Variants in DPY19L3 observed in about 807,000 individuals in gnomAD.
The protein encoded by DPY19L3 is dpy-19 like C-mannosyltransferase 3, also known as protein C-mannosyl-transferase DPY19L3.
Under a neutral mutation model 92.3 loss-of-function variants are expected in DPY19L3, and 51 were observed. The observed-to-expected ratio is 0.55, with a 90% CI of 0.44 to 0.70. The LOEUF (loss-of-function observed/expected upper bound fraction) is 0.70. Among genes scored for constraint, DPY19L3 ranks in the 30% least tolerant of loss-of-function variants. DPY19L3 has a pLI of 0.00. For missense variants in DPY19L3, 706 were observed against 855.9 expected, an observed-to-expected ratio of 0.82 and a Z score of 2.18; for synonymous variants, 309 against 315.2, an observed-to-expected ratio of 0.98 and a Z score of 0.21.
Position 32,436,638 on chromosome 19 carries a change from T to G in DPY19L3, c.450+71T>G, listed in dbSNP as rs77223299. ...GTCTGCCATTTTGAACTGAAAGTTA[T>G]CACATCGTTCTTTCTGATCTTCAAC... is the stretch of plus-strand genomic sequence containing the variant. On this transcript the variant is annotated intron_variant, in intron 5 of 18. Coordinates refer to ENST00000392250, the MANE Select transcript of DPY19L3 (RefSeq NM_001172774.2). The G allele has an allele frequency of 7.6e-3, 9,629 of 1,266,104 alleles. 983 individuals carry two copies. In the Admixed American group the frequency reaches 0.21, roughly 27 times the overall value. 78.4% of individuals were successfully genotyped at this position (1,266,104 alleles called of 1,614,324 possible).
At chr19:32,452,817 C>T (rs1188921104) in intron 8 of DPY19L3, among the ~76,000 whole-genome samples, 13 of 151,932 alleles carry the variant, frequency 8.6e-5, no homozygotes, top group South Asian at 6.2e-4. Context: ...TCTCAGCCTC[C>T]GAAATAGCTG....
At position 32,438,995 on chromosome 19, in the gene DPY19L3, G is replaced by A. The variant is rs1969237648; in HGVS notation, c.597-117G>A. 2.8e-6 allele frequency: 3 copies of A among 1,066,656 alleles called. No individual in the cohort carries two copies. In the South Asian group the frequency reaches 4.9e-5, roughly 17 times the overall value. 66.1% of individuals were successfully genotyped at this position (1,066,656 alleles called of 1,614,324 possible). ...TGATAAGGACAATTATTGAGAACCA[G>A]TGGCCAGAATCTTAAGTATACTTGT... On this transcript the variant is annotated intron_variant, in intron 6 of 18. Transcript: ENST00000392250.
chr19:32,438,470 A>C (rs1969217506), intron 6 of DPY19L3, among the ~76,000 whole-genome samples: 2 of 152,152 alleles, frequency 1.3e-5, no homozygotes, highest in Non-Finnish European at 2.9e-5. Flanking sequence ...GTAGATATAG[A>C]TACATTGTTT....
chr19:32,477,590 C>G lies in DPY19L3; in HGVS notation c.1766C>G (p.Thr589Arg), dbSNP rs746313779. Residue 589 changes from threonine to arginine, a missense_variant, in exon 17 of 19, where the codon ACG becomes AGG. Physicochemically the swap from Thr to Arg is moderately conservative, Grantham distance 71. Transcript: ENST00000392250. The part of the protein sequence containing the change: ...MQLLAGVKLC[T>R]GRTLTNHPHY... ...TTGCTGGCCGGAGTCAAGCTGTGCA[C>G]GGGAAGGACCCTAACCAACCACCCG... 1.2e-6 allele frequency: 2 copies of G among 1,614,078 alleles called. No homozygotes were observed. Among genetic ancestry groups the G allele is most frequent in the South Asian group, 1.1e-5 (1 of 91,080 alleles).
intron 16 of DPY19L3, among the ~76,000 whole-genome samples, chr19:32,471,668 T>C (rs1422421448): frequency 6.6e-6 from 1 of 152,198 alleles, no homozygotes; most frequent in Non-Finnish European, 1.5e-5. Flanking sequence ...ACACAGGGCT[T>C]CCGCTTGGAG....
chr19:32,436,192 G>T (rs1227288682), intron 4 of DPY19L3, among the ~76,000 whole-genome samples: 1 of 151,310 alleles, frequency 6.6e-6, no homozygotes, highest in African/African-American at 2.5e-5. Flanking sequence ...GAAGGACCTT[G>T]TGGTGGTGGT....
At chr19:32,453,404 C>A in intron 9 of DPY19L3, 128 bp downstream of exon 9, 1 of 923,244 alleles carries the variant, frequency 1.1e-6, no homozygotes, top group Non-Finnish European at 1.6e-6. Flanking sequence ...GAGCACGTGG[C>A]ATTGTGTGCT....
chr19:32,468,160 C>A lies in DPY19L3; in HGVS notation c.1615-571C>A, dbSNP rs144700818. 1,354 of 929,678 alleles carry A rather than the reference C, an allele frequency of 1.5e-3. 18 individuals carry two copies. In the African/African-American group the frequency reaches 0.022, roughly 15 times the overall value. 57.6% of individuals were successfully genotyped at this position (929,678 alleles called of 1,614,324 possible). On this transcript the variant is annotated intron_variant, in intron 15 of 18. Transcript: ENST00000392250. ...TGTGACTTGGTCAAGTCAGATACCT[C>A]TCTGAGCCTCAGTTTCCACACTTCT...
At chr19:32,462,641 ATTC>A (rs1358562631) in intron 12 of DPY19L3, among the ~76,000 whole-genome samples, 2 of 152,208 alleles carry the variant, frequency 1.3e-5, no homozygotes, top group African/African-American at 4.8e-5. Flanking sequence ...TATGTTCTCT[ATTC>A]TTCCACAAAC....
intron 12 of DPY19L3, among the ~76,000 whole-genome samples, chr19:32,459,425 T>G (rs1339155472): frequency 6.6e-6 from 1 of 152,236 alleles, no homozygotes; most frequent in African/African-American, 2.4e-5. Context: ...GTCATTAAAA[T>G]GAGTCCAGAG....
chr19:32,457,554 A>G (rs910349604), intron 10 of DPY19L3, among the ~76,000 whole-genome samples: 6 of 152,232 alleles, frequency 3.9e-5, no homozygotes, highest in African/African-American at 9.6e-5. Context: ...CCACAAATTT[A>G]AAATAGAATT....
rs979033273 is a variant in DPY19L3 at position 32,457,984 on chromosome 19, G to C, written c.1090-116G>C. 6 of 724,072 alleles carry C rather than the reference G, an allele frequency of 8.3e-6. No individual in the cohort carries two copies. In the African/African-American group the frequency reaches 1.1e-4, roughly 13 times the overall value. 44.9% of individuals were successfully genotyped at this position (724,072 alleles called of 1,614,324 possible). On this transcript the variant is annotated intron_variant, in intron 10 of 18. Transcript: ENST00000392250. ...ACTACTGTGAACATTTACTGATTTT[G>C]TACACCCACACGCTCCTGTGAAATT...
chr19:32,458,040 T>C (rs922760320), intron 10 of DPY19L3, 60 bp from the exon 11 acceptor site: 2 of 1,302,784 alleles, frequency 1.5e-6, no homozygotes, highest in Non-Finnish European at 2.2e-6. Flanking sequence ...CAATGGGAAG[T>C]TATCAGGAAA....
intron 1 of DPY19L3, 26 bp from the exon 2 acceptor site, chr19:32,408,191 T>A: frequency 8.2e-7 from 1 of 1,215,782 alleles, no homozygotes; most frequent in South Asian, 1.3e-5. Context: ...GGCACTGACG[T>A]TGATGGCCTG....
intron 2 of DPY19L3, among the ~76,000 whole-genome samples, chr19:32,409,274 C>T (rs995058568): frequency 3.9e-5 from 6 of 152,232 alleles, no homozygotes; most frequent in African/African-American, 1.4e-4. Flanking sequence ...TACCCATAAG[C>T]ATTCGTATAC....
chr19:32,476,850 T>C (rs146388433), intron 16 of DPY19L3, among the ~76,000 whole-genome samples: 30 of 152,326 alleles, frequency 2.0e-4, no homozygotes, highest in Non-Finnish European at 4.1e-4. Flanking sequence ...TAATAAGATA[T>C]TGGCTATTTC....
intron 16 of DPY19L3, among the ~76,000 whole-genome samples, chr19:32,475,196 C>T (rs942033081): frequency 6.6e-6 from 1 of 152,116 alleles, no homozygotes; most frequent in Admixed American, 6.5e-5. Flanking sequence ...CACAGAGATT[C>T]CTATTATACA....
chr19:32,431,117 C>G (rs893659024), intron 3 of DPY19L3, among the ~76,000 whole-genome samples: 1 of 152,070 alleles, frequency 6.6e-6, no homozygotes, highest in Non-Finnish European at 1.5e-5. Context: ...CAGTGGCTCA[C>G]GCCTGTAATC....
Position 32,477,410 on chromosome 19 carries a change from G to A in DPY19L3, c.1698-112G>A, listed in dbSNP as rs1322013831. The stretch of plus-strand genomic sequence containing the variant: ...AACTCCCGTTTTTTTTCCCTGACTC[G>A]TAACACTTGGTAACATAGCTGGATT... On this transcript the variant is annotated intron_variant, in intron 16 of 18. Coordinates refer to ENST00000392250, the MANE Select transcript of DPY19L3 (RefSeq NM_001172774.2). 13 of 1,389,604 alleles carry A rather than the reference G, an allele frequency of 9.4e-6. No individual in the cohort carries two copies. In the East Asian group the frequency reaches 1.4e-4, roughly 15 times the overall value. The allele number at this position is 1,389,604 out of a possible 1,614,324, so 86.1% of individuals were successfully genotyped here.
Sources: allele counts gnomAD v4.1 joint callset (sites outside exome capture counted in the v4.1 genomes callset), GRCh38; gene constraint gnomAD v4.1.1; transcripts MANE v1.5; gene names NCBI Gene and HGNC (gene_info 2026-07-23, HGNC 2026-07-21).